IQSEC1: variants seen among roughly 807,000 people sequenced by gnomAD.
IQSEC1 encodes IQ motif and SEC7 domain-containing protein 1.
Under a neutral mutation model 91.0 loss-of-function variants are expected in IQSEC1, and 31 were observed. The ratio of observed to expected loss-of-function variants is 0.34; its 90% confidence interval spans 0.26 to 0.46. The LOEUF is 0.46. Among genes scored for constraint, IQSEC1 ranks in the 20% least tolerant of loss-of-function variants. The pLI, the probability that IQSEC1 is intolerant of heterozygous loss-of-function variation, is 1.00. For synonymous variants in IQSEC1, 699 were observed against 662.6 expected, an observed-to-expected ratio of 1.05 and a Z score of -0.84; for missense variants, 1,388 against 1,575.6, an observed-to-expected ratio of 0.88 and a Z score of 2.02.
At chr3:13,048,833 G>A (rs1171108063) in intron 1 of IQSEC1, among the ~76,000 whole-genome samples, 1 of 152,164 alleles carries the variant, frequency 6.6e-6, no homozygotes, top group East Asian at 1.9e-4. Flanking sequence ...ACAGCACAAT[G>A]CCTCCTTCTT....
intron 1 of IQSEC1, among the ~76,000 whole-genome samples, chr3:13,062,584 G>A (rs550286135): frequency 6.6e-6 from 1 of 152,224 alleles, no homozygotes; most frequent in African/African-American, 2.4e-5. Context: ...AGCTCACCTG[G>A]TCTTGGAGAG....
At chr3:12,913,652 G>C in intron 8 of IQSEC1, 99 bp from the exon 9 acceptor site, 2 of 1,258,356 alleles carry the variant, frequency 1.6e-6, no homozygotes, top group Non-Finnish European at 2.2e-6. Context: ...CTAGAAACCC[G>C]GCACGTGGGC....
At chr3:12,953,934 G>C (rs997253716) in intron 1 of IQSEC1, among the ~76,000 whole-genome samples, 1 of 152,198 alleles carries the variant, frequency 6.6e-6, no homozygotes, top group Non-Finnish European at 1.5e-5. Context: ...CCCACCAACA[G>C]CTAATGCCAT....
intron 2 of IQSEC1, among the ~76,000 whole-genome samples, chr3:13,146,552 C>T (rs946224770): frequency 2.6e-5 from 4 of 152,208 alleles, no homozygotes; most frequent in African/African-American, 9.6e-5. Context: ...GAATAACTCA[C>T]TCGAGGGCAG....
At chr3:13,115,031 C>T (rs1413390143) in intron 2 of IQSEC1, among the ~76,000 whole-genome samples, 2 of 151,978 alleles carry the variant, frequency 1.3e-5, no homozygotes, top group Admixed American at 6.6e-5. Context: ...CTGGAGGTGC[C>T]GGGCAGGGGG....
intron 1 of IQSEC1, among the ~76,000 whole-genome samples, chr3:13,040,038 C>T (rs1240060521): frequency 6.6e-6 from 1 of 152,202 alleles, no homozygotes; most frequent in Non-Finnish European, 1.5e-5. Flanking sequence ...CAGAATGAAG[C>T]CTCACATGTA....
rs1016156673 is a variant in IQSEC1, at chr3:12,899,156, C to T, written c.*1827G>A. The T allele has an allele frequency of 1.4e-5, 8 of 570,232 alleles. No individual in the cohort carries two copies. Among genetic ancestry groups the T allele is most frequent in the Non-Finnish European group, 2.5e-5 (8 of 317,348 alleles). The allele number at this position is 570,232 out of a possible 1,614,324, so 35.3% of individuals were successfully genotyped here. A position where few individuals can be genotyped will look rare whatever the true frequency, so the allele number is the denominator to read the frequency against. ...GGTACGGTGATCTCAATGATATGAC[C>T]GAGGGTGGGAGGGATGTGAGGAGGG... On this transcript the variant is annotated 3_prime_UTR_variant, in exon 14 of 14. Transcript: ENST00000613206.
At chr3:13,014,481 G>T (rs979110646) in intron 1 of IQSEC1, among the ~76,000 whole-genome samples, 10 of 152,214 alleles carry the variant, frequency 6.6e-5, no homozygotes, top group African/African-American at 2.2e-4. Flanking sequence ...TGTCTGCAGC[G>T]TGGGGGCAGG....
intron 1 of IQSEC1, among the ~76,000 whole-genome samples, chr3:13,221,952 G>A (rs1179106175): frequency 6.6e-6 from 1 of 152,238 alleles, no homozygotes; most frequent in East Asian, 1.9e-4. Context: ...AGAGGGGCAG[G>A]AGGGAGGAGA....
At chr3:13,116,486 G>T (rs1490132002) in intron 2 of IQSEC1, among the ~76,000 whole-genome samples, 1 of 152,318 alleles carries the variant, frequency 6.6e-6, no homozygotes, top group Admixed American at 6.5e-5. Context: ...TCAGCAGGGT[G>T]CCAAGAACAT....
At chr3:13,252,272 C>T (rs1695208200) in intron 1 of IQSEC1, among the ~76,000 whole-genome samples, 1 of 152,164 alleles carries the variant, frequency 6.6e-6, no homozygotes, top group Non-Finnish European at 1.5e-5. Context: ...CTCCAGGACA[C>T]TCTTTATAAG....
At position 13,207,607 on chromosome 3, in the gene IQSEC1, C is replaced by T. The variant is rs1694367278; in HGVS notation, c.273-43474G>A. ...GCATCATCTGGGTCTGTCTCCTGCC[C>T]CAGCCTCTGCCCTGGCCTCCCTGAG... On this transcript the variant is annotated intron_variant, in intron 1 of 15. Coordinates refer to the IQSEC1 transcript ENST00000648114. This position sits in a 1 kb window ranked among gnomAD's most constrained non-coding sequence, Gnocchi z 4.8. Among the ~76,000 whole-genome samples, 1 of 152,206 alleles carries T rather than the reference C, an allele frequency of 6.6e-6. No individual in the cohort carries two copies. Among genetic ancestry groups the T allele is most frequent in the African/African-American group, 2.4e-5 (1 of 41,456 alleles).
intron 1 of IQSEC1, among the ~76,000 whole-genome samples, chr3:13,227,473 G>T (rs1241078692): frequency 6.6e-6 from 1 of 152,048 alleles, no homozygotes; most frequent in East Asian, 1.9e-4. Flanking sequence ...GGGGACACTG[G>T]AGGGGCAAGA....
chr3:13,101,247 C>T (rs753076225), intron 2 of IQSEC1, among the ~76,000 whole-genome samples: 7 of 151,926 alleles, frequency 4.6e-5, no homozygotes, highest in Non-Finnish European at 7.4e-5. Flanking sequence ...TTTGGGAGGC[C>T]GAGGTGGGTG....
chr3:13,041,944 G>A (rs1171424498), intron 1 of IQSEC1, among the ~76,000 whole-genome samples: 1 of 152,210 alleles, frequency 6.6e-6, no homozygotes, highest in East Asian at 1.9e-4. Context: ...CGGAGCAAGT[G>A]TACCGGGAAA....
At chr3:12,972,900 TG>T (rs1700976286) in intron 1 of IQSEC1, among the ~76,000 whole-genome samples, 1 of 152,216 alleles carries the variant, frequency 6.6e-6, no homozygotes, top group Non-Finnish European at 1.5e-5. Context: ...GACAGCTGCA[TG>T]GAACACAGCA....
chr3:13,111,760 C>A (rs190433858), intron 2 of IQSEC1, among the ~76,000 whole-genome samples: 1 of 152,136 alleles, frequency 6.6e-6, no homozygotes, highest in East Asian at 1.9e-4. Context: ...GAGGACACAG[C>A]GAGAAGGCAG....
At chr3:13,140,099 C>T (rs1706775912) in intron 2 of IQSEC1, among the ~76,000 whole-genome samples, 1 of 152,198 alleles carries the variant, frequency 6.6e-6, no homozygotes, top group East Asian at 1.9e-4. Context: ...AGCAAGCTCC[C>T]CACCTGGAAG....
chr3:13,015,840 C>G, intron 1 of IQSEC1: 1 of 368,950 alleles, frequency 2.7e-6, no homozygotes, highest in Non-Finnish European at 3.8e-6. Context: ...AATGGCTTCA[C>G]TGGGCAGGCC....
Sources: gnomAD v4.1 joint callset for allele counts (sites outside exome capture counted in the v4.1 genomes callset) on GRCh38, gnomAD v4.1.1 for gene constraint, Gnocchi (gnomAD v3.1) non-coding constraint, MANE v1.5 for transcripts, NCBI Gene and HGNC (gene_info 2026-07-23, HGNC 2026-07-21) for gene names.